Variants in BRF1 observed in about 807,000 individuals in gnomAD.
The protein encoded by BRF1 is BRF1 general transcription factor IIIB subunit, also known as transcription factor IIIB 90 kDa subunit.
A neutral mutation model predicts 81.7 loss-of-function variants in BRF1; 59 were observed. That is an observed-to-expected ratio of 0.72 (90% CI 0.59 to 0.90). The LOEUF is 0.90. Ranked by LOEUF, BRF1 falls within the 40% of genes least tolerant of loss-of-function variation. BRF1 has a pLI of 0.00. For missense variants in BRF1, 1,050 were observed against 936.3 expected (o/e 1.12, Z -1.58); for synonymous variants, 491 against 395.6 (o/e 1.24, Z -2.86).
At chr14:105,251,931 T>A (rs2055639230) in intron 5 of BRF1, among the ~76,000 whole-genome samples, 1 of 151,944 alleles carries the variant, frequency 6.6e-6, no homozygotes, top group Non-Finnish European at 1.5e-5. Flanking sequence ...AAGAAAGGCA[T>A]ACAGGAGTTC....
chr14:105,250,034 C>T lies in BRF1; in HGVS notation c.544+2473G>A, dbSNP rs141798094. On this transcript the variant is annotated intron_variant, in intron 5 of 17. Coordinates refer to ENST00000547530, the MANE Select transcript of BRF1 (RefSeq NM_001519.4). ...GCCAATCACCCCACGAAACAAGAGGCATGTTCTGGGGCGAGCCCTCTATCT... is the reference window on the plus strand; with the variant it reads ...GCCAATCACCCCACGAAACAAGAGGTATGTTCTGGGGCGAGCCCTCTATCT... The T allele has an allele frequency of 9.9e-5, 159 of 1,612,958 alleles. No homozygotes were observed. In the African/African-American group the frequency reaches 1.9e-3, roughly 19 times the overall value.
At chr14:105,226,800 C>T in intron 7 of BRF1, 40 bp from the exon 8 acceptor site, 2 of 1,612,032 alleles carry the variant, frequency 1.2e-6, no homozygotes, top group Non-Finnish European at 1.7e-6. Flanking sequence ...GCTGGTGGCT[C>T]TGAAACCAGC....
At chr14:105,279,150 A>G (rs1047565682) in intron 2 of BRF1, among the ~76,000 whole-genome samples, 14 of 152,180 alleles carry the variant, frequency 9.2e-5, no homozygotes, top group Non-Finnish European at 1.8e-4. Flanking sequence ...TTGAGGCTGC[A>G]AGGAGCATCG....
intron 11 of BRF1, among the ~76,000 whole-genome samples, chr14:105,221,072 C>T (rs887464142): frequency 7.9e-5 from 12 of 152,244 alleles, no homozygotes; most frequent in Non-Finnish European, 1.3e-4. Flanking sequence ...CCCTGGTGCC[C>T]GACGGGAGGC....
intron 1 of BRF1, among the ~76,000 whole-genome samples, chr14:105,286,607 A>T (rs1341531313): frequency 6.0e-5 from 9 of 149,436 alleles, no homozygotes; most frequent in African/African-American, 2.2e-4. Flanking sequence ...CACTTTCCGC[A>T]TTTTCTTTTT....
chr14:105,227,249 T>A (rs10136115), intron 7 of BRF1: 7,502 of 158,726 alleles, frequency 0.047, 624 homozygotes, highest in African/African-American at 0.17. Context: ...TGAAACCCCA[T>A]CTCTATTAAA....
intron 1 of BRF1, among the ~76,000 whole-genome samples, chr14:105,292,494 T>C (rs1303977126): frequency 6.6e-6 from 1 of 151,738 alleles, no homozygotes; most frequent in Non-Finnish European, 1.5e-5. Flanking sequence ...ATTACAAGCA[T>C]GAGCTACCAA....
intron 15 of BRF1, 113 bp downstream of exon 15, chr14:105,217,431 C>A: frequency 1.3e-6 from 2 of 1,505,856 alleles, no homozygotes; most frequent in Non-Finnish European, 1.8e-6. Flanking sequence ...AAATGCCACT[C>A]CAGGCACTTC....
chr14:105,253,135 G>A (rs1378351326), intron 4 of BRF1, among the ~76,000 whole-genome samples: 1 of 152,362 alleles, frequency 6.6e-6, no homozygotes, highest in South Asian at 2.1e-4. Flanking sequence ...CCCAGACCGA[G>A]AAGGGCAACG....
rs1038877617 is a variant in BRF1, at chr14:105,219,892, A to G, written c.1377+177T>C. 45 of 692,458 alleles carry G rather than the reference A, an allele frequency of 6.5e-5. No individual in the cohort carries two copies. In the Admixed American group the frequency reaches 8.4e-4, roughly 13 times the overall value. The allele number at this position is 692,458 out of a possible 1,614,324, so 42.9% of individuals were successfully genotyped here. On this transcript the variant is annotated intron_variant, in intron 12 of 17. Coordinates refer to ENST00000547530, the MANE Select transcript of BRF1 (RefSeq NM_001519.4). ...GGCCGCCCCCGAGCCGACACTGGAG[A>G]AGAGAGTGTGGGGGGGGGTCCCGGG...
At chr14:105,279,946 G>A (rs2057000442) in intron 2 of BRF1, among the ~76,000 whole-genome samples, 1 of 152,244 alleles carries the variant, frequency 6.6e-6, no homozygotes. Flanking sequence ...CAAGCCAGAT[G>A]CGGACGACTA....
chr14:105,307,490 C>T (rs917989774), intron 1 of BRF1, among the ~76,000 whole-genome samples: 14 of 152,196 alleles, frequency 9.2e-5, no homozygotes, highest in Non-Finnish European at 1.5e-5. Flanking sequence ...TGCTTCCCCA[C>T]GTGCCCCTCC....
Position 105,300,497 on chromosome 14 carries a change from C to T in BRF1, c.133G>A (p.Glu45Lys). 1 of 1,537,300 alleles carries T rather than the reference C, an allele frequency of 6.5e-7. No individual in the cohort carries two copies. The highest frequency in any genetic ancestry group is 8.7e-7 in the Non-Finnish European group (1 of 1,144,560). ...GCCGAGGAGCCGCCGCCGCTGCTCT[C>T]CACGAACTGCACCTCGGACACGATG... ...NIIVSEVQFV[E>K]SSGGGSSAVG... The change falls in exon 1 of 18, where the codon GAG becomes AAG. Residue 45 changes from glutamate to lysine, a missense_variant. Coordinates refer to ENST00000547530, the MANE Select transcript of BRF1 (RefSeq NM_001519.4).
chr14:105,223,362 C>T (rs1892587952), intron 10 of BRF1, among the ~76,000 whole-genome samples: 1 of 76,990 alleles, frequency 1.3e-5, no homozygotes, highest in Admixed American at 1.1e-4. Flanking sequence ...AGATGAATGG[C>T]TACACACCCT....
At chr14:105,216,755 G>A (rs1406244981) in intron 15 of BRF1, among the ~76,000 whole-genome samples, 3 of 152,240 alleles carry the variant, frequency 2.0e-5, no homozygotes, top group African/African-American at 7.2e-5. Flanking sequence ...GGAAGCAGCT[G>A]GAGACAACGC....
At chr14:105,256,675 C>T in intron 3 of BRF1, 126 bp from the exon 4 acceptor site, 1 of 1,419,556 alleles carries the variant, frequency 7.0e-7, no homozygotes, top group Non-Finnish European at 9.5e-7. Flanking sequence ...ATATAAGCTC[C>T]ACCTTTGATC....
chr14:105,250,162 G>C (rs587748445), intron 5 of BRF1: 1 of 1,612,822 alleles, frequency 6.2e-7, no homozygotes, highest in Non-Finnish European at 8.5e-7. Flanking sequence ...TGTGGTACAC[G>C]GCCACCAACA....
chr14:105,247,240 A>G, intron 5 of BRF1: 1 of 985,394 alleles, frequency 1.0e-6, no homozygotes, highest in Non-Finnish European at 1.2e-6. Context: ...TCTCATGCAT[A>G]TGCTACAGCT....
chr14:105,246,192 C>A (rs967565986), intron 5 of BRF1, among the ~76,000 whole-genome samples: 5 of 151,794 alleles, frequency 3.3e-5, no homozygotes, highest in Non-Finnish European at 7.4e-5. Context: ...CGCACTCCAG[C>A]CTGGGCAACG....
Sources: gnomAD v4.1 joint callset for allele counts (sites outside exome capture counted in the v4.1 genomes callset) on GRCh38, gnomAD v4.1.1 for gene constraint, MANE v1.5 for transcripts, NCBI Gene and HGNC (gene_info 2026-07-23, HGNC 2026-07-21) for gene names.